Variants in SESTD1 observed in about 807,000 individuals in gnomAD.
The protein encoded by SESTD1 is SEC14 and spectrin domain containing 1, also known as SEC14 domain and spectrin repeat-containing protein 1.
In SESTD1, 43 loss-of-function variants were observed where a neutral mutation model predicts 101.7. That is an observed-to-expected ratio of 0.42 (90% CI 0.33 to 0.55). The LOEUF is 0.55. SESTD1 is among the 20% of genes least tolerant of loss of function. The probability of loss-of-function intolerance (pLI) is 0.07; values close to 1 mark genes in which losing one functional copy is unlikely to be tolerated. For synonymous variants in SESTD1, 283 were observed against 286.8 expected (o/e 0.99, Z 0.13); for missense variants, 647 against 815.1 (o/e 0.79, Z 2.51).
At chr2:179,127,489 C>T (rs528671737) in intron 10 of SESTD1, among the ~76,000 whole-genome samples, 39 of 152,304 alleles carry the variant, frequency 2.6e-4, no homozygotes, top group South Asian at 4.1e-4. Context: ...TGTAGATTTA[C>T]TGACATTACA....
chr2:179,179,497 C>A (rs1444378180), intron 3 of SESTD1, among the ~76,000 whole-genome samples: 1 of 152,172 alleles, frequency 6.6e-6, no homozygotes, highest in African/African-American at 2.4e-5. Flanking sequence ...TCTTTGATTA[C>A]AACTAAAGGC....
chr2:179,149,009 G>A (rs932332580), intron 7 of SESTD1, among the ~76,000 whole-genome samples: 34 of 127,306 alleles, frequency 2.7e-4, no homozygotes, highest in African/African-American at 9.6e-4. Context: ...GCAGTAAGCC[G>A]AGATAGCGCC....
intron 3 of SESTD1, 89 bp from the exon 4 acceptor site, chr2:179,176,627 G>A (rs2046017266): frequency 1.1e-5 from 11 of 958,342 alleles, no homozygotes; most frequent in Middle Eastern, 2.1e-4. Context: ...AAACTTAATC[G>A]CATATGGAGT....
chr2:179,232,053 A>T (rs573351416), intron 1 of SESTD1, among the ~76,000 whole-genome samples: 1 of 152,166 alleles, frequency 6.6e-6, no homozygotes, highest in Non-Finnish European at 1.5e-5. Flanking sequence ...CTGATAATAA[A>T]AACTGTACCT....
At chr2:179,149,486 CTAGGA>C (rs1476752758) in intron 6 of SESTD1, 92 bp from the exon 7 acceptor site, 2 of 821,144 alleles carry the variant, frequency 2.4e-6, no homozygotes, top group Non-Finnish European at 1.8e-6. Flanking sequence ...AATTGGCCAG[CTAGGA>C]TATGTTTTCC....
chr2:179,251,101 TG>T (rs2047310109), intron 1 of SESTD1, among the ~76,000 whole-genome samples: 1 of 152,120 alleles, frequency 6.6e-6, no homozygotes, highest in South Asian at 2.1e-4. Flanking sequence ...AAAGGAACTA[TG>T]GAAACAGAGT....
At chr2:179,114,209 G>A (rs147730197) in intron 16 of SESTD1, among the ~76,000 whole-genome samples, 1 of 152,106 alleles carries the variant, frequency 6.6e-6, no homozygotes, top group Non-Finnish European at 1.5e-5. Context: ...ACTGATCTAC[G>A]GAGTTCAATG....
intron 9 of SESTD1, among the ~76,000 whole-genome samples, chr2:179,142,079 G>A (rs2045290891): frequency 6.6e-6 from 1 of 152,080 alleles, no homozygotes; most frequent in African/African-American, 2.4e-5. Flanking sequence ...GATCAATTGT[G>A]CAGGCCAATT....
chr2:179,164,733 T>C (rs1575455071), intron 5 of SESTD1, among the ~76,000 whole-genome samples: 1 of 152,128 alleles, frequency 6.6e-6, no homozygotes, highest in African/African-American at 2.4e-5. Context: ...GGAGGTTACC[T>C]AGAAGAAAAA....
chr2:179,249,082 T>G (rs1482068284), intron 1 of SESTD1, among the ~76,000 whole-genome samples: 3 of 125,818 alleles, frequency 2.4e-5, no homozygotes, highest in Non-Finnish European at 4.8e-5. Context: ...CAGAGTGAGA[T>G]CCCGTCTTTA....
chr2:179,261,781 A>G (rs577307173), intron 1 of SESTD1, among the ~76,000 whole-genome samples: 1 of 152,298 alleles, frequency 6.6e-6, no homozygotes, highest in South Asian at 2.1e-4. Flanking sequence ...GAAGGAATGT[A>G]AAACAGTGCA....
In SESTD1 at chr2:179,143,661, G is replaced by T. The variant is rs776309399; in HGVS notation, c.780C>A (p.Arg260=). 3 of 1,613,776 alleles carry T rather than the reference G, an allele frequency of 1.9e-6. No homozygotes were observed. The highest frequency in any genetic ancestry group is 2.5e-6 in the Non-Finnish European group (3 of 1,179,900). Residue 260 remains arginine, a synonymous_variant, in exon 9 of 18, where the codon CGC becomes CGA. Transcript: ENST00000428443. The part of the protein sequence containing the change: ...LLDSLREQYT[R]YQEVCRQRSK... The stretch of plus-strand genomic sequence containing the variant: ...TACGTTGCCTACAAACTTCCTGGTA[G>T]CGGGTATATTGCTCTCGGAGTGAAT...
intron 1 of SESTD1, among the ~76,000 whole-genome samples, chr2:179,195,181 TC>T (rs1344481428): frequency 6.6e-6 from 1 of 152,214 alleles, no homozygotes; most frequent in African/African-American, 2.4e-5. Flanking sequence ...CCAAATCTCA[TC>T]GTCAATCCCC....
rs1332862353 is a variant in SESTD1 at position 179,107,629 on chromosome 2, G to A, written c.*2270C>T. 6.6e-6 allele frequency: 1 copy of A among 152,104 alleles called. No homozygotes were observed. The highest frequency in any genetic ancestry group is 1.5e-5 in the Non-Finnish European group (1 of 67,988). 9.4% of individuals were successfully genotyped at this position (152,104 alleles called of 1,614,324 possible). The stretch of plus-strand genomic sequence containing the variant: ...TAAGAATAGATTCACTTGTAAGTCA[G>A]TTCTAACTTTAAAAAAGTATGTTTA... On this transcript the variant is annotated 3_prime_UTR_variant, in exon 18 of 18. Transcript: ENST00000428443.
chr2:179,120,159 G>C (rs2044716817), intron 13 of SESTD1, among the ~76,000 whole-genome samples: 1 of 151,934 alleles, frequency 6.6e-6, no homozygotes, highest in South Asian at 2.1e-4. Flanking sequence ...AACCCAGGAG[G>C]TGGATGTTGC....
chr2:179,173,663 C>T (rs775019066), intron 4 of SESTD1, among the ~76,000 whole-genome samples: 7 of 152,182 alleles, frequency 4.6e-5, no homozygotes, highest in Non-Finnish European at 8.8e-5. Context: ...TTCTACTACA[C>T]TACTTCGTAT....
At position 179,162,044 on chromosome 2, in the gene SESTD1, C is replaced by T. The variant is rs116671077; in HGVS notation, c.369+10076G>A. 4.1e-3 allele frequency among the ~76,000 whole-genome samples: 623 copies of T among 152,190 alleles called. 6 individuals carry two copies. The highest frequency in any genetic ancestry group is 0.014 in the African/African-American group (582 of 41,534). Reference sequence around the variant, plus strand: ...TGAGGCAAATTTATAGGATTATCATCCTTATTCTCCTTAAGTTGTCATGTA... The same window carrying T: ...TGAGGCAAATTTATAGGATTATCATTCTTATTCTCCTTAAGTTGTCATGTA... On this transcript the variant is annotated intron_variant, in intron 5 of 17. Transcript: ENST00000428443.
intron 1 of SESTD1, among the ~76,000 whole-genome samples, chr2:179,200,274 A>G (rs1305081414): frequency 6.6e-6 from 1 of 152,194 alleles, no homozygotes; most frequent in Non-Finnish European, 1.5e-5. Flanking sequence ...ATAAAAGAGG[A>G]TACAAACAAA....
At position 179,124,485 on chromosome 2, in the gene SESTD1, A is replaced by T; in HGVS notation, c.1046T>A (p.Leu349His). The change falls in exon 11 of 18, where the codon CTT (leucine) becomes CAT (histidine). Residue 349 changes from leucine to histidine, a missense_variant. Coordinates refer to ENST00000428443, the MANE Select transcript of SESTD1 (RefSeq NM_178123.5). ...TTGCTGCAGTGACTTTAGTTCCACAAGATCTTCCTCATCGCCAGCATTCAA... is the reference window on the plus strand; with the variant it reads ...TTGCTGCAGTGACTTTAGTTCCACATGATCTTCCTCATCGCCAGCATTCAA... ...ALLNAGDEEDLVELKSLQQQL... is the reference protein window; with the variant it reads ...ALLNAGDEEDHVELKSLQQQL... 6.2e-7 allele frequency: 1 copy of T among 1,614,158 alleles called. No homozygotes were observed.
Sources: gnomAD v4.1 joint callset for allele counts (sites outside exome capture counted in the v4.1 genomes callset) on GRCh38, gnomAD v4.1.1 for gene constraint, MANE v1.5 for transcripts, NCBI Gene and HGNC (gene_info 2026-07-23, HGNC 2026-07-21) for gene names.